NEBL: variants seen among roughly 807,000 people sequenced by gnomAD.
The protein encoded by NEBL is LIM and SH3 protein 2.
In NEBL, 122 loss-of-function variants were observed where a neutral mutation model predicts 140.2. The observed-to-expected ratio is 0.87, with a 90% CI of 0.75 to 1.01. NEBL has a LOEUF of 1.01. Ranked by LOEUF, NEBL falls within the 50% of genes least tolerant of loss-of-function variation. The probability of loss-of-function intolerance (pLI) is 0.00; values close to 1 mark genes in which losing one functional copy is unlikely to be tolerated. For synonymous variants in NEBL, 436 were observed against 398.9 expected (o/e 1.09, Z -1.11); for missense variants, 1,365 against 1,231.3 (o/e 1.11, Z -1.62).
intron 3 of NEBL, among the ~76,000 whole-genome samples, chr10:21,212,551 A>G (rs1841935767): frequency 6.6e-6 from 1 of 152,192 alleles, no homozygotes; most frequent in Admixed American, 6.5e-5. Context: ...ATTTTCTGTT[A>G]AGGAAGTAAA....
intron 26 of NEBL, among the ~76,000 whole-genome samples, chr10:20,806,020 T>C (rs1378400588): frequency 6.6e-6 from 1 of 152,200 alleles, no homozygotes; most frequent in East Asian, 1.9e-4. Context: ...AATTCTAGTA[T>C]AAATGCAAGA....
intron 2 of NEBL, among the ~76,000 whole-genome samples, chr10:21,040,578 C>T (rs1253642629): frequency 6.6e-6 from 1 of 152,144 alleles, no homozygotes; most frequent in Non-Finnish European, 1.5e-5. Context: ...TCACTCATTA[C>T]CATGGGGAGG....
chr10:21,080,842 TG>T (rs1294395988), intron 2 of NEBL, among the ~76,000 whole-genome samples: 3 of 152,116 alleles, frequency 2.0e-5, no homozygotes, highest in Non-Finnish European at 4.4e-5. Context: ...AAATGTGATC[TG>T]GTTTTTTTGT....
At chr10:20,952,916 AAAAAAAAAAGAAAAAG>A (rs1835561319) in intron 4 of NEBL, among the ~76,000 whole-genome samples, 1 of 150,756 alleles carries the variant, frequency 6.6e-6, no homozygotes, top group East Asian at 1.9e-4. Context: ...AAAAAAAAAA[AAAAAAAAAAGAAAAAG>A]AAAAAAGAAA....
intron 3 of NEBL, among the ~76,000 whole-genome samples, chr10:21,210,652 C>A (rs1044281954): frequency 6.6e-6 from 1 of 152,098 alleles, no homozygotes; most frequent in East Asian, 1.9e-4. Context: ...TCTTGTAAGG[C>A]CTGTAAATAG....
intron 3 of NEBL, among the ~76,000 whole-genome samples, chr10:21,243,272 C>G (rs575107241): frequency 6.6e-6 from 1 of 150,558 alleles, no homozygotes; most frequent in South Asian, 2.1e-4. Flanking sequence ...CCTCTGTAGG[C>G]AAATTCCCCT....
chr10:21,228,113 GT>G (rs143781886), intron 3 of NEBL, among the ~76,000 whole-genome samples: 22 of 146,978 alleles, frequency 1.5e-4, no homozygotes, highest in African/African-American at 2.2e-4. Context: ...AGTTTTTTGG[GT>G]TTTTTTTTTC....
At chr10:20,814,175 A>C in intron 22 of NEBL, 132 bp from the exon 23 acceptor site, 1 of 708,794 alleles carries the variant, frequency 1.4e-6, no homozygotes, top group Non-Finnish European at 2.5e-6. Flanking sequence ...CAGTGAATTA[A>C]ATTTTGTTCT....
At chr10:20,938,803 G>T (rs1476161755) in intron 4 of NEBL, among the ~76,000 whole-genome samples, 2 of 152,218 alleles carry the variant, frequency 1.3e-5, no homozygotes. Flanking sequence ...ACGAGCCTCA[G>T]TAGCCGATGC....
chr10:21,184,788 G>T (rs144162200), intron 3 of NEBL, among the ~76,000 whole-genome samples: 1 of 152,116 alleles, frequency 6.6e-6, no homozygotes, highest in Non-Finnish European at 1.5e-5. Flanking sequence ...AGCGAAAAAG[G>T]TTATAAAAAC....
At chr10:21,214,489 A>G (rs897636124) in intron 3 of NEBL, among the ~76,000 whole-genome samples, 6 of 151,772 alleles carry the variant, frequency 4.0e-5, no homozygotes, top group African/African-American at 1.5e-4. Context: ...ACACACGCGC[A>G]CATTACACAC....
At chr10:21,242,472 G>A (rs1213050763) in intron 3 of NEBL, among the ~76,000 whole-genome samples, 1 of 152,140 alleles carries the variant, frequency 6.6e-6, no homozygotes, top group East Asian at 1.9e-4. Context: ...TGATGAGGGT[G>A]GTGGGTGAGG....
At chr10:20,927,807 T>C (rs1344789877) in intron 4 of NEBL, among the ~76,000 whole-genome samples, 1 of 152,198 alleles carries the variant, frequency 6.6e-6, no homozygotes, top group Non-Finnish European at 1.5e-5. Flanking sequence ...TCTGAGGCTA[T>C]GTTTCCTAAA....
intron 13 of NEBL, among the ~76,000 whole-genome samples, chr10:20,839,046 G>A (rs556872959): frequency 6.6e-6 from 1 of 152,118 alleles, no homozygotes; most frequent in Non-Finnish European, 1.5e-5. Context: ...CAGTGTGTCT[G>A]TACCTCCATG....
chr10:21,028,909 G>T, intron 2 of NEBL: 1 of 445,436 alleles, frequency 2.2e-6, no homozygotes, highest in Admixed American at 3.9e-5. Flanking sequence ...GATTGATATT[G>T]TCATATTTTT....
At chr10:20,913,296 C>A (rs2131470763) in intron 4 of NEBL, among the ~76,000 whole-genome samples, 1 of 152,226 alleles carries the variant, frequency 6.6e-6, no homozygotes, top group Non-Finnish European at 1.5e-5. Context: ...TTATTCATTC[C>A]TAAAAGGCAC....
chr10:20,935,961 G>T (rs961804971), intron 4 of NEBL, among the ~76,000 whole-genome samples: 4 of 152,088 alleles, frequency 2.6e-5, no homozygotes, highest in Non-Finnish European at 5.9e-5. Flanking sequence ...GTAAGGGATG[G>T]TAATCAAAAT....
intron 2 of NEBL, among the ~76,000 whole-genome samples, chr10:21,112,043 C>T (rs1489036960): frequency 6.6e-6 from 1 of 152,184 alleles, no homozygotes; most frequent in African/African-American, 2.4e-5. Flanking sequence ...CAATGAGATA[C>T]CATCTCACGC....
chr10:21,203,990 A>G (rs1325311767), intron 3 of NEBL, among the ~76,000 whole-genome samples: 2 of 152,222 alleles, frequency 1.3e-5, no homozygotes, highest in African/African-American at 2.4e-5. Flanking sequence ...GAATAAGCCT[A>G]TCTACCCAGT....
Sources: allele counts gnomAD v4.1 joint callset (sites outside exome capture counted in the v4.1 genomes callset), GRCh38; gene constraint gnomAD v4.1.1; transcripts MANE v1.5; gene names NCBI Gene and HGNC (gene_info 2026-07-23, HGNC 2026-07-21).